Variants in ALK observed in about 807,000 individuals in gnomAD.
ALK encodes the protein ALK receptor tyrosine kinase.
Under a neutral mutation model 163.1 loss-of-function variants are expected in ALK, and 74 were observed. The ratio of observed to expected loss-of-function variants is 0.45; its 90% CI spans 0.38 to 0.55. The LOEUF (loss-of-function observed/expected upper bound fraction) is 0.55. ALK is among the 20% of genes least tolerant of loss of function. The pLI, the probability that ALK is intolerant of heterozygous loss-of-function variation, is 0.00. For synonymous variants in ALK, 960 were observed against 843.2 expected (o/e 1.14, Z -2.40); for missense variants, 2,063 against 2,105.3 (o/e 0.98, Z 0.39).
At chr2:29,300,076 G>A (rs1416565562) in intron 8 of ALK, among the ~76,000 whole-genome samples, 1 of 152,198 alleles carries the variant, frequency 6.6e-6, no homozygotes, top group East Asian at 1.9e-4. Context: ...AGTTTGCTGG[G>A]GCAGAAATGC....
chr2:29,714,074 G>T (rs1447909800), intron 2 of ALK, among the ~76,000 whole-genome samples: 1 of 151,900 alleles, frequency 6.6e-6, no homozygotes, highest in African/African-American at 2.4e-5. Context: ...CTACCTGATG[G>T]AACAGATTTT....
intron 5 of ALK, among the ~76,000 whole-genome samples, chr2:29,346,247 A>G (rs1397794681): frequency 1.3e-5 from 2 of 152,124 alleles, no homozygotes; most frequent in African/African-American, 4.8e-5. Flanking sequence ...GTTTCTCTCA[A>G]TCAATCCAGG....
At chr2:29,298,409 C>A (rs1043048411) in intron 8 of ALK, among the ~76,000 whole-genome samples, 1 of 152,172 alleles carries the variant, frequency 6.6e-6, no homozygotes, top group Non-Finnish European at 1.5e-5. Context: ...AACTGTAAAC[C>A]CTTTCAGCTC....
At chr2:29,320,615 G>A in intron 7 of ALK, 136 bp downstream of exon 7, 2 of 1,234,168 alleles carry the variant, frequency 1.6e-6, no homozygotes, top group Non-Finnish European at 2.4e-6. Context: ...GGAATTGTGT[G>A]TGAACGCTCT....
chr2:29,405,781 G>A (rs1189420590), intron 4 of ALK, among the ~76,000 whole-genome samples: 4 of 152,206 alleles, frequency 2.6e-5, no homozygotes, highest in African/African-American at 4.8e-5. Context: ...AAAATAGGCA[G>A]CTGAAATAAT....
rs569339854 is a variant in ALK, at chr2:29,637,479, C to T, written c.952+57371G>A. ...GATGAGAATATAAAAAAGCAACAGGCGGGTGGATCATTTGAGGTTGGGAGT... is the reference window on the plus strand; with the variant it reads ...GATGAGAATATAAAAAAGCAACAGGTGGGTGGATCATTTGAGGTTGGGAGT... On this transcript the variant is annotated intron_variant, in intron 3 of 28. Transcript: ENST00000389048. Among the ~76,000 whole-genome samples the T allele has an allele frequency of 2.6e-5, 4 of 152,040 alleles. No homozygotes were observed. In the East Asian group the frequency reaches 5.8e-4, roughly 22 times the overall value.
intron 1 of ALK, among the ~76,000 whole-genome samples, chr2:29,786,962 A>T (rs1001303673): frequency 1.3e-5 from 2 of 152,160 alleles, no homozygotes; most frequent in South Asian, 2.1e-4. Context: ...CGCCTGGCTA[A>T]TTTTTTGTAT....
intron 1 of ALK, among the ~76,000 whole-genome samples, chr2:29,857,614 T>A (rs1420640474): frequency 1.3e-5 from 2 of 152,030 alleles, no homozygotes; most frequent in Non-Finnish European, 2.9e-5. Flanking sequence ...GCATGAAGGG[T>A]GGTATGACCG....
At chr2:29,609,802 C>T (rs1258254297) in intron 3 of ALK, among the ~76,000 whole-genome samples, 2 of 152,164 alleles carry the variant, frequency 1.3e-5, no homozygotes, top group South Asian at 2.1e-4. Flanking sequence ...AGCCACCACA[C>T]TTGGCTAGTT....
intron 4 of ALK, among the ~76,000 whole-genome samples, chr2:29,527,837 T>A (rs1003936257): frequency 1.3e-5 from 2 of 152,040 alleles, no homozygotes; most frequent in Non-Finnish European, 2.9e-5. Context: ...TTGACCTTCA[T>A]CACGTCACAT....
chr2:29,278,527 A>C (rs540815813), intron 9 of ALK, among the ~76,000 whole-genome samples: 1 of 152,308 alleles, frequency 6.6e-6, no homozygotes, highest in South Asian at 2.1e-4. Context: ...GCAAGGTTAT[A>C]GCCACGATTT....
chr2:29,249,327 C>A (rs1446460652), intron 12 of ALK, among the ~76,000 whole-genome samples: 2 of 152,086 alleles, frequency 1.3e-5, no homozygotes, highest in Non-Finnish European at 2.9e-5. Context: ...CCTCCCAGCG[C>A]CTCTGCTTTC....
intron 5 of ALK, among the ~76,000 whole-genome samples, chr2:29,355,467 C>T (rs1471145511): frequency 6.6e-6 from 1 of 152,008 alleles, no homozygotes; most frequent in East Asian, 1.9e-4. Flanking sequence ...AACACACACA[C>T]CACATACACA....
intron 5 of ALK, among the ~76,000 whole-genome samples, chr2:29,365,950 T>C (rs989351189): frequency 2.6e-5 from 4 of 152,192 alleles, no homozygotes; most frequent in African/African-American, 9.6e-5. Flanking sequence ...AGGTTTCTTT[T>C]TCCTGAGCTT....
chr2:29,279,055 T>G (rs1157121996), intron 9 of ALK, among the ~76,000 whole-genome samples: 1 of 152,180 alleles, frequency 6.6e-6, no homozygotes, highest in Admixed American at 6.5e-5. Flanking sequence ...TGCCCCTCTC[T>G]GTGCCTTCCT....
At chr2:29,771,727 G>C (rs1303987514) in intron 1 of ALK, among the ~76,000 whole-genome samples, 22 of 151,970 alleles carry the variant, frequency 1.4e-4, no homozygotes, top group Non-Finnish European at 2.4e-4. Flanking sequence ...GTAGAGACGG[G>C]GTTTCACCGT....
intron 3 of ALK, among the ~76,000 whole-genome samples, chr2:29,588,520 C>T (rs1283522587): frequency 2.0e-5 from 3 of 152,112 alleles, no homozygotes; most frequent in Non-Finnish European, 2.9e-5. Flanking sequence ...CATGAGCCAC[C>T]GCACCTGGCC....
chr2:29,688,600 C>T (rs1678303697), intron 3 of ALK, among the ~76,000 whole-genome samples: 1 of 152,142 alleles, frequency 6.6e-6, no homozygotes, highest in Non-Finnish European at 1.5e-5. Context: ...CTCTGGGGAG[C>T]TGCAGCCTGT....
chr2:29,776,293 CTAT>C, intron 1 of ALK, among the ~76,000 whole-genome samples: 1 of 149,932 alleles, frequency 6.7e-6, no homozygotes, highest in African/African-American at 2.5e-5. Context: ...ATTAAACTGG[CTAT>C]TTAGGCATAA....
Sources: allele counts gnomAD v4.1 joint callset (sites outside exome capture counted in the v4.1 genomes callset), GRCh38; gene constraint gnomAD v4.1.1; transcripts MANE v1.5; gene names NCBI Gene and HGNC (gene_info 2026-07-23, HGNC 2026-07-21).